The following PELI1 variants were observed in gnomAD, a reference collection of about 807,000 sequenced individuals.
PELI1 encodes E3 ubiquitin-protein ligase pellino homolog 1.
PELI1 carries 15 observed loss-of-function variants against 41.3 expected under a neutral mutation model. The observed-to-expected ratio is 0.36, with a 90% CI of 0.24 to 0.56. The LOEUF is 0.56. Among genes scored for constraint, PELI1 ranks in the 20% least tolerant of loss-of-function variants. PELI1 has a pLI of 0.82. For synonymous variants in PELI1, 178 were observed against 180.1 expected (o/e 0.99, Z 0.09); for missense variants, 403 against 525.5 (o/e 0.77, Z 2.28).
At chr2:64,131,643 C>T (rs919942532) in intron 1 of PELI1, among the ~76,000 whole-genome samples, 29 of 150,356 alleles carry the variant, frequency 1.9e-4, no homozygotes, top group Admixed American at 1.6e-3. Context: ...TAAATTGAGA[C>T]GGAGTCTCAC....
intron 1 of PELI1, among the ~76,000 whole-genome samples, chr2:64,133,889 G>A (rs1347887971): frequency 6.6e-6 from 1 of 152,018 alleles, no homozygotes; most frequent in Non-Finnish European, 1.5e-5. Context: ...TATGTTAAAA[G>A]ATTTAAAATG....
Position 64,096,323 on chromosome 2 carries a change from A to G in PELI1, c.502-10T>C, listed in dbSNP as rs548162917. Reference sequence around the variant, plus strand: ...ATTTGGCAGCCTTCTCCTAGTAGAAATAATAGCAGTGAGCTTCCAACTTGT... The same window carrying G: ...ATTTGGCAGCCTTCTCCTAGTAGAAGTAATAGCAGTGAGCTTCCAACTTGT... On this transcript the variant is annotated splice_polypyrimidine_tract_variant and intron_variant, in intron 5 of 6. Transcript: ENST00000358912. 65 of 1,611,734 alleles carry G rather than the reference A, an allele frequency of 4.0e-5. No homozygotes were observed. The highest frequency in any genetic ancestry group is 5.2e-5 in the Non-Finnish European group (61 of 1,178,116).
At chr2:64,105,878 G>A (rs1420120176) in intron 2 of PELI1, among the ~76,000 whole-genome samples, 1 of 151,918 alleles carries the variant, frequency 6.6e-6, no homozygotes, top group African/African-American at 2.4e-5. Context: ...AGGAAGCAGG[G>A]AACAGGGACA....
chr2:64,099,199 C>CACAT (rs1553354354), intron 4 of PELI1, among the ~76,000 whole-genome samples: 4 of 151,166 alleles, frequency 2.6e-5, no homozygotes, highest in East Asian at 3.9e-4. Flanking sequence ...CACACACACA[C>CACAT]ACATATATAT....
chr2:64,108,345 G>C lies in PELI1; in HGVS notation c.-35C>G. On this transcript the variant is annotated 5_prime_UTR_variant, in exon 2 of 7. Transcript: ENST00000358912. ...TGTCTTTCTCAAATCTTTGTTCACTGGTCAGGAGCCTTGGGACACCTTTTG... is the reference window on the plus strand; with the variant it reads ...TGTCTTTCTCAAATCTTTGTTCACTCGTCAGGAGCCTTGGGACACCTTTTG... 1.5e-6 allele frequency: 2 copies of C among 1,333,140 alleles called. No homozygotes were observed. Among genetic ancestry groups the C allele is most frequent in the Non-Finnish European group, 2.2e-6 (2 of 926,086 alleles). The allele number at this position is 1,333,140 out of a possible 1,614,324, so 82.6% of individuals were successfully genotyped here.
intron 4 of PELI1, among the ~76,000 whole-genome samples, chr2:64,096,996 T>C (rs1680260527): frequency 6.6e-6 from 1 of 152,220 alleles, no homozygotes. Context: ...TAACAGAATA[T>C]AGTGAACATA....
At chr2:64,115,926 GTTCATT>G (rs1680975072) in intron 1 of PELI1, among the ~76,000 whole-genome samples, 1 of 152,156 alleles carries the variant, frequency 6.6e-6, no homozygotes, top group East Asian at 1.9e-4. Flanking sequence ...CTTCCTCAAT[GTTCATT>G]GTATTTGTCA....
intron 2 of PELI1, 142 bp from the exon 3 acceptor site, chr2:64,104,972 C>T: frequency 1.5e-6 from 1 of 648,244 alleles, no homozygotes; most frequent in East Asian, 2.8e-5. Flanking sequence ...CTTTGAGCAA[C>T]TGTTGATCTC....
chr2:64,105,738 CTTCA>C (rs1485853545), intron 2 of PELI1, among the ~76,000 whole-genome samples: 2 of 152,206 alleles, frequency 1.3e-5, no homozygotes, highest in Non-Finnish European at 2.9e-5. Flanking sequence ...TTCTTTACTG[CTTCA>C]TTGAGGCATG....
At position 64,094,848 on chromosome 2, in the gene PELI1, A is replaced by T; in HGVS notation, c.1111T>A (p.Cys371Ser). The T allele has an allele frequency of 6.2e-7, 1 of 1,614,210 alleles. No individual in the cohort carries two copies. The highest frequency in any genetic ancestry group is 1.1e-5 in the South Asian group (1 of 91,090). Reference protein sequence around the residue: ...THAFSPCGHVCSEKTTAYWSQ... With the variant: ...THAFSPCGHVSSEKTTAYWSQ... Reference sequence around the variant, plus strand: ...CAATAGGCAGTTGTCTTTTCTGAACACACATGCCCACACGGGCTAAACGCA... The same window carrying T: ...CAATAGGCAGTTGTCTTTTCTGAACTCACATGCCCACACGGGCTAAACGCA... The change falls in exon 7 of 7, where the codon TGT becomes AGT. Residue 371 changes from cysteine (C) to serine (S), a missense_variant. Transcript: ENST00000358912.
chr2:64,100,575 G>A, intron 3 of PELI1, 76 bp from the exon 4 acceptor site: 1 of 786,134 alleles, frequency 1.3e-6, no homozygotes, highest in Non-Finnish European at 2.3e-6. Context: ...TTAAAAAAAG[G>A]GAAAACTATT....
chr2:64,127,048 T>C (rs1209677885), intron 1 of PELI1, among the ~76,000 whole-genome samples: 3 of 152,208 alleles, frequency 2.0e-5, no homozygotes, highest in Non-Finnish European at 4.4e-5. Flanking sequence ...TCTTTACATC[T>C]GTATAGTAAA....
At chr2:64,141,408 T>C (rs575053522) in intron 1 of PELI1, among the ~76,000 whole-genome samples, 11 of 147,738 alleles carry the variant, frequency 7.4e-5, no homozygotes, top group African/African-American at 2.7e-4. Flanking sequence ...AATAAAATAA[T>C]CCAAAAAGCC....
intron 1 of PELI1, among the ~76,000 whole-genome samples, chr2:64,121,765 C>T (rs1346766734): frequency 6.6e-6 from 1 of 151,924 alleles, no homozygotes; most frequent in African/African-American, 2.4e-5. Context: ...ATTAGCCAGG[C>T]GTGGTGGCAC....
At chr2:64,123,586 A>G (rs553416587) in intron 1 of PELI1, among the ~76,000 whole-genome samples, 9 of 152,362 alleles carry the variant, frequency 5.9e-5, no homozygotes, top group African/African-American at 1.2e-4. Flanking sequence ...GGAAATACAA[A>G]TCAAACCCAC....
chr2:64,108,162 A>T (rs1437514940), intron 2 of PELI1, 78 bp downstream of exon 2: 11 of 787,636 alleles, frequency 1.4e-5, no homozygotes, highest in Non-Finnish European at 2.1e-5. Context: ...ATTCCAAAAA[A>T]AAAAGTACTT....
At chr2:64,105,521 T>C (rs568690880) in intron 2 of PELI1, among the ~76,000 whole-genome samples, 3 of 152,272 alleles carry the variant, frequency 2.0e-5, no homozygotes, top group South Asian at 2.1e-4. Context: ...ATAAAAATAT[T>C]TGGGTGTTTA....
chr2:64,115,552 G>A (rs1450813184), intron 1 of PELI1, among the ~76,000 whole-genome samples: 1 of 152,198 alleles, frequency 6.6e-6, no homozygotes, highest in African/African-American at 2.4e-5. Flanking sequence ...AAAGCCCAGT[G>A]ACTGAAGGCC....
At chr2:64,096,024 C>T (rs1460532473) in intron 6 of PELI1, 101 bp downstream of exon 6, 2 of 784,822 alleles carry the variant, frequency 2.5e-6, no homozygotes, top group African/African-American at 1.7e-5. Flanking sequence ...TCTGTGTTGG[C>T]AATAGATTTA....
Sources: allele counts gnomAD v4.1 joint callset (sites outside exome capture counted in the v4.1 genomes callset), GRCh38; gene constraint gnomAD v4.1.1; transcripts MANE v1.5; gene names NCBI Gene and HGNC (gene_info 2026-07-23, HGNC 2026-07-21).